The following DNA2 variants were observed in gnomAD, a reference collection of about 807,000 sequenced individuals.
DNA2 encodes the protein DNA replication ATP-dependent helicase/nuclease DNA2.
In DNA2, 101 loss-of-function variants were observed where a neutral mutation model predicts 119.1. The observed-to-expected ratio is 0.85, with a 90% confidence interval of 0.72 to 1.00. The LOEUF is 1.00. Ranked by LOEUF, DNA2 falls within the 50% of genes least tolerant of loss-of-function variation. The pLI is 0.00. For synonymous variants in DNA2, 366 were observed against 424.4 expected (o/e 0.86, Z 1.69); for missense variants, 1,121 against 1,255.5 (o/e 0.89, Z 1.62).
At chr10:68,470,727 C>T in intron 1 of DNA2, 1 of 317,814 alleles carries the variant, frequency 3.1e-6, no homozygotes, top group South Asian at 2.6e-5. Context: ...TGGACACGAT[C>T]CTTTTTGTAA....
chr10:68,460,112 T>C (rs1564895648), intron 4 of DNA2, among the ~76,000 whole-genome samples: 1 of 152,050 alleles, frequency 6.6e-6, no homozygotes, highest in East Asian at 1.9e-4. Flanking sequence ...TCTCTTTTCT[T>C]TTTTTATTTT....
intron 17 of DNA2, among the ~76,000 whole-genome samples, 157 bp from the exon 18 acceptor site, chr10:68,420,049 T>C (rs893900182): frequency 1.3e-5 from 2 of 152,208 alleles, no homozygotes; most frequent in African/African-American, 4.8e-5. Flanking sequence ...AATATTAATA[T>C]TAGTCACTTT....
intron 5 of DNA2, among the ~76,000 whole-genome samples, chr10:68,453,850 ACAC>A (rs2052150689): frequency 2.0e-5 from 3 of 152,194 alleles, no homozygotes; most frequent in Admixed American, 2.0e-4. Context: ...ACATTGCCTA[ACAC>A]CACATTTCTC....
chr10:68,444,739 AAAAG>A (rs899112077), intron 8 of DNA2, among the ~76,000 whole-genome samples, 178 bp downstream of exon 8: 2 of 151,520 alleles, frequency 1.3e-5, no homozygotes, highest in African/African-American at 2.4e-5. Flanking sequence ...AAAAAAAAAA[AAAAG>A]AAAGAAAGTA....
At chr10:68,455,551 T>C (rs933943445) in intron 5 of DNA2, among the ~76,000 whole-genome samples, 15 of 152,180 alleles carry the variant, frequency 9.9e-5, no homozygotes, top group Admixed American at 8.5e-4. Flanking sequence ...CCGGGCGCAG[T>C]GGCTCATGCC....
intron 3 of DNA2, among the ~76,000 whole-genome samples, chr10:68,466,466 G>A (rs1482739909): frequency 6.7e-6 from 1 of 150,098 alleles, no homozygotes; most frequent in African/African-American, 2.4e-5. Context: ...TAGCAGTAAT[G>A]TTTGGGAAGA....
At chr10:68,415,561 C>T (rs1051980896) in intron 20 of DNA2, among the ~76,000 whole-genome samples, 2 of 152,128 alleles carry the variant, frequency 1.3e-5, no homozygotes, top group African/African-American at 4.8e-5. Context: ...CAAGCGTGAG[C>T]CACCACGCCC....
intron 9 of DNA2, 33 bp downstream of exon 9, chr10:68,442,884 C>T: frequency 1.9e-6 from 3 of 1,546,110 alleles, no homozygotes; most frequent in South Asian, 1.2e-5. Flanking sequence ...ATCCAAACTA[C>T]TGAAATCTTA....
intron 14 of DNA2, among the ~76,000 whole-genome samples, chr10:68,429,326 C>G (rs1385838823): frequency 6.6e-6 from 1 of 151,044 alleles, no homozygotes; most frequent in Non-Finnish European, 1.5e-5. Flanking sequence ...AGGAGGATAA[C>G]CTGAGGTTGG....
intron 1 of DNA2, among the ~76,000 whole-genome samples, chr10:68,471,119 G>A (rs1045501974): frequency 2.6e-5 from 4 of 152,288 alleles, no homozygotes; most frequent in South Asian, 2.1e-4. Context: ...AGGGTCCAAA[G>A]TCATTACCTC....
At chr10:68,467,263 A>AC (rs2052338071) in intron 3 of DNA2, among the ~76,000 whole-genome samples, 1 of 151,986 alleles carries the variant, frequency 6.6e-6, no homozygotes, top group Admixed American at 6.6e-5. Context: ...GGCGCGCACC[A>AC]CAACGCCCGG....
At chr10:68,439,427 G>A (rs1468135995) in intron 9 of DNA2, among the ~76,000 whole-genome samples, 4 of 152,080 alleles carry the variant, frequency 2.6e-5, no homozygotes, top group Admixed American at 1.3e-4. Context: ...GAGGCCGGGT[G>A]CAGGGGCTAA....
chr10:68,456,883 C>T (rs987025294), intron 5 of DNA2, among the ~76,000 whole-genome samples: 1 of 151,240 alleles, frequency 6.6e-6, no homozygotes, highest in Non-Finnish European at 1.5e-5. Context: ...GCCTGTAATC[C>T]CAGCACTTTG....
chr10:68,422,725 G>A lies in DNA2; in HGVS notation c.2374C>T (p.Pro792Ser), dbSNP rs2051681842. The A allele has an allele frequency of 6.2e-7, 1 of 1,611,950 alleles. No individual in the cohort carries two copies. ...GCTTCACGGTTTAGCACCAGGGGAG[G>A]AAGCTGCTGATGGTCCCCCACTAAC... The part of the protein sequence containing the change: ...FVLVGDHQQL[P>S]PLVLNREARA... The change falls in exon 15 of 21, where the codon CCT becomes TCT. Residue 792 changes from proline (P) to serine (S), a missense_variant. By Grantham distance (74) the Pro-to-Ser change is moderately conservative. Transcript: ENST00000358410.
At position 68,459,103 on chromosome 10, in the gene DNA2, C is replaced by G; in HGVS notation, c.719+1G>C. On this transcript the variant is annotated splice_donor_variant, in intron 5 of 20. Transcript: ENST00000358410. LOFTEE classifies it high-confidence loss of function. ...ATATATAAACAAAATGTGTTTCTTA[C>G]AGAGAGAGCTGCATCTGAGGGAAGT... 2 of 1,590,806 alleles carry G rather than the reference C, an allele frequency of 1.3e-6. No individual in the cohort carries two copies. Among genetic ancestry groups the G allele is most frequent in the South Asian group, 1.2e-5 (1 of 86,550 alleles).
intron 4 of DNA2, among the ~76,000 whole-genome samples, chr10:68,461,803 G>A (rs938519758): frequency 6.2e-5 from 9 of 145,704 alleles, no homozygotes; most frequent in Non-Finnish European, 3.0e-5. Context: ...ACTCCAGCCT[G>A]GGAAACAAGA....
At chr10:68,464,560 G>T (rs962190863) in intron 4 of DNA2, among the ~76,000 whole-genome samples, 1 of 150,284 alleles carries the variant, frequency 6.7e-6, no homozygotes, top group East Asian at 2.0e-4. Flanking sequence ...TAGGCCGGGC[G>T]CAGTGGCTCA....
At position 68,432,191 on chromosome 10, in the gene DNA2, G is replaced by A; in HGVS notation, c.1873+15C>T. 4.0e-6 allele frequency: 6 copies of A among 1,490,654 alleles called. 1 individual carries two copies. The allele number at this position is 1,490,654 out of a possible 1,614,324, so 92.3% of individuals were successfully genotyped here. On this transcript the variant is annotated intron_variant, in intron 12 of 20. Transcript: ENST00000358410. Reference sequence around the variant, plus strand: ...AGAAAAATTAATCAAAGCAGACATGGTGATTTTAGCATACCCTTTAGAATG... The same window carrying A: ...AGAAAAATTAATCAAAGCAGACATGATGATTTTAGCATACCCTTTAGAATG...
intron 8 of DNA2, 72 bp downstream of exon 8, chr10:68,444,849 C>A: frequency 9.0e-7 from 1 of 1,115,820 alleles, no homozygotes; most frequent in Non-Finnish European, 1.3e-6. Flanking sequence ...GCCCGTCTGG[C>A]CACCAGTGTT....
Sources: gnomAD v4.1 joint callset for allele counts (sites outside exome capture counted in the v4.1 genomes callset) on GRCh38, gnomAD v4.1.1 for gene constraint, MANE v1.5 for transcripts, NCBI Gene and HGNC (gene_info 2026-07-23, HGNC 2026-07-21) for gene names.